SDK1: variants seen among roughly 807,000 people sequenced by gnomAD.
The protein encoded by SDK1 is sidekick cell adhesion molecule 1.
In SDK1, 157 loss-of-function variants were observed where a neutral mutation model predicts 245.5. That is an observed-to-expected ratio of 0.64 (90% CI 0.56 to 0.73). SDK1 has a LOEUF of 0.73. Ranked by LOEUF, SDK1 falls within the 30% of genes least tolerant of loss-of-function variation. SDK1 has a pLI of 0.00. For synonymous variants in SDK1, 1,647 were observed against 1,278.5 expected (o/e 1.29, Z -6.15); for missense variants, 3,583 against 3,002.3 (o/e 1.19, Z -4.52).
intron 42 of SDK1, among the ~76,000 whole-genome samples, chr7:4,238,013 A>C (rs571096733): frequency 6.6e-6 from 1 of 151,872 alleles, no homozygotes; most frequent in East Asian, 1.9e-4. Context: ...CAGATTAACT[A>C]TGTGTCTTGG....
chr7:3,848,181 T>C (rs1780328731), intron 5 of SDK1, among the ~76,000 whole-genome samples: 1 of 152,232 alleles, frequency 6.6e-6, no homozygotes, highest in African/African-American at 2.4e-5. Flanking sequence ...ACAAACTTCA[T>C]AAATAATTAT....
chr7:4,076,747 C>G (rs1035906691), intron 20 of SDK1, among the ~76,000 whole-genome samples: 2 of 152,142 alleles, frequency 1.3e-5, no homozygotes, highest in African/African-American at 4.8e-5. Context: ...GAAGCTCGCC[C>G]TGGTAGGGAG....
intron 1 of SDK1, among the ~76,000 whole-genome samples, chr7:3,372,561 C>T (rs976660626): frequency 3.3e-5 from 5 of 152,096 alleles, no homozygotes; most frequent in African/African-American, 1.2e-4. Context: ...GAGGGCAGAG[C>T]GGAAGAGGGC....
intron 1 of SDK1, among the ~76,000 whole-genome samples, chr7:3,593,495 C>A (rs1442480713): frequency 6.6e-6 from 1 of 152,218 alleles, no homozygotes; most frequent in African/African-American, 2.4e-5. Flanking sequence ...TTTGGAACAT[C>A]ATTCCTTTGA....
chr7:3,382,939 T>G (rs1037595023), intron 1 of SDK1, among the ~76,000 whole-genome samples: 1 of 152,202 alleles, frequency 6.6e-6, no homozygotes, highest in Non-Finnish European at 1.5e-5. Flanking sequence ...AAGCTTATTT[T>G]GGGTAAAAAG....
At chr7:3,458,597 C>T (rs894182616) in intron 1 of SDK1, among the ~76,000 whole-genome samples, 4 of 151,828 alleles carry the variant, frequency 2.6e-5, no homozygotes, top group African/African-American at 7.3e-5. Context: ...GAACCATCTA[C>T]AAGTATACAA....
At chr7:3,648,938 A>G (rs902850767) in intron 4 of SDK1, among the ~76,000 whole-genome samples, 5 of 152,180 alleles carry the variant, frequency 3.3e-5, no homozygotes, top group African/African-American at 9.7e-5. Flanking sequence ...CCTTTCTGGT[A>G]TTAATGTTCA....
chr7:4,138,594 A>G (rs1458746005), intron 28 of SDK1, among the ~76,000 whole-genome samples: 1 of 151,986 alleles, frequency 6.6e-6, no homozygotes, highest in East Asian at 1.9e-4. Flanking sequence ...TAAAAATACA[A>G]AAATTAGCTG....
intron 1 of SDK1, among the ~76,000 whole-genome samples, chr7:3,428,523 C>G (rs1175356149): frequency 6.6e-6 from 1 of 152,176 alleles, no homozygotes; most frequent in African/African-American, 2.4e-5. Context: ...CACAATCTGT[C>G]TCTTAATGCT....
intron 41 of SDK1, among the ~76,000 whole-genome samples, chr7:4,235,951 C>T (rs1053256011): frequency 3.3e-5 from 5 of 152,248 alleles, no homozygotes; most frequent in Non-Finnish European, 5.9e-5. Flanking sequence ...GCCAGTTGCC[C>T]GGTGGTGTAA....
At chr7:4,175,403 C>T (rs943662212) in intron 33 of SDK1, among the ~76,000 whole-genome samples, 2 of 152,254 alleles carry the variant, frequency 1.3e-5, no homozygotes, top group Non-Finnish European at 2.9e-5. Context: ...TCGGCTCCTC[C>T]AGCCGGGGCT....
chr7:3,618,903 TG>T (rs1324895579), intron 1 of SDK1, among the ~76,000 whole-genome samples, 176 bp from the exon 2 acceptor site: 1 of 152,228 alleles, frequency 6.6e-6, no homozygotes, highest in Admixed American at 6.5e-5. Context: ...AAATATTATC[TG>T]GGGTATTGCA....
At chr7:4,129,773 C>T (rs1362733758) in intron 26 of SDK1, 135 bp from the exon 27 acceptor site, 6 of 1,499,248 alleles carry the variant, frequency 4.0e-6, no homozygotes, top group Non-Finnish European at 5.3e-6. Context: ...GATCCAGAAG[C>T]CCTGCACACA....
intron 4 of SDK1, among the ~76,000 whole-genome samples, chr7:3,651,585 G>A (rs530172371): frequency 2.1e-4 from 32 of 152,240 alleles, no homozygotes; most frequent in Admixed American, 5.2e-4. Context: ...ATCAATAGAC[G>A]TCCGATGGAG....
At chr7:4,198,371 C>T (rs1437811752) in intron 35 of SDK1, among the ~76,000 whole-genome samples, 1 of 152,196 alleles carries the variant, frequency 6.6e-6, no homozygotes, top group Non-Finnish European at 1.5e-5. Context: ...ACACCTGGGC[C>T]AGGTGCCTTG....
chr7:3,538,872 T>G (rs530249663), intron 1 of SDK1, among the ~76,000 whole-genome samples: 4 of 152,226 alleles, frequency 2.6e-5, no homozygotes, highest in African/African-American at 4.8e-5. Flanking sequence ...AGCACACTTA[T>G]GCTGTCGGCA....
intron 42 of SDK1, among the ~76,000 whole-genome samples, chr7:4,238,634 C>T (rs1012838083): frequency 2.5e-4 from 37 of 150,758 alleles, no homozygotes; most frequent in Non-Finnish European, 4.1e-4. Flanking sequence ...CTGCAACCTC[C>T]ACCTCCTGGG....
intron 4 of SDK1, among the ~76,000 whole-genome samples, chr7:3,693,452 TGAG>T (rs1784488476): frequency 6.6e-6 from 1 of 152,188 alleles, no homozygotes; most frequent in African/African-American, 2.4e-5. Flanking sequence ...TAAATCGGTT[TGAG>T]GAGAACTGAC....
chr7:4,148,664 CACAG>C (rs1215243336), intron 29 of SDK1, among the ~76,000 whole-genome samples: 2 of 152,246 alleles, frequency 1.3e-5, no homozygotes, highest in African/African-American at 4.8e-5. Context: ...CAGCTGTCAT[CACAG>C]ACACAGTGCC....
Sources: allele counts gnomAD v4.1 joint callset (sites outside exome capture counted in the v4.1 genomes callset), GRCh38; gene constraint gnomAD v4.1.1; transcripts MANE v1.5; gene names NCBI Gene and HGNC (gene_info 2026-07-23, HGNC 2026-07-21).